GRID2: variants seen among roughly 807,000 people sequenced by gnomAD.
GRID2 encodes glutamate ionotropic receptor delta type subunit 2, also known as glutamate receptor ionotropic, delta-2.
GRID2 carries 33 observed loss-of-function variants against 114.8 expected under a neutral mutation model. The ratio of observed to expected loss-of-function variants is 0.29; its 90% CI spans 0.22 to 0.38. GRID2 has a LOEUF of 0.38. Ranked by LOEUF, GRID2 falls within the 10% of genes least tolerant of loss-of-function variation. The pLI is 1.00. For synonymous variants in GRID2, 505 were observed against 449.9 expected (o/e 1.12, Z -1.55); for missense variants, 1,184 against 1,257.7 (o/e 0.94, Z 0.89).
At chr4:93,483,778 A>G (rs1726100703) in intron 11 of GRID2, among the ~76,000 whole-genome samples, 1 of 151,986 alleles carries the variant, frequency 6.6e-6, no homozygotes, top group Admixed American at 6.6e-5. Context: ...TCCTTTGGAA[A>G]ATAAAAATTT....
chr4:93,680,542 A>G (rs1464926985), intron 14 of GRID2, among the ~76,000 whole-genome samples: 1 of 151,610 alleles, frequency 6.6e-6, no homozygotes, highest in African/African-American at 2.4e-5. Context: ...AAATACTGGC[A>G]AACCGAATCC....
chr4:92,812,486 C>T (rs533669325), intron 2 of GRID2, among the ~76,000 whole-genome samples: 2 of 152,152 alleles, frequency 1.3e-5, no homozygotes, highest in South Asian at 2.1e-4. Context: ...TGAAACCATA[C>T]ATCATATAAA....
At chr4:92,829,315 G>A (rs116896976) in intron 2 of GRID2, among the ~76,000 whole-genome samples, 1,809 of 151,856 alleles carry the variant, frequency 0.012, 23 homozygotes, top group East Asian at 0.073. Flanking sequence ...ACATTTATTG[G>A]GCCAACACAC....
chr4:93,018,190 A>T, intron 2 of GRID2, among the ~76,000 whole-genome samples: 1 of 146,630 alleles, frequency 6.8e-6, no homozygotes, highest in Non-Finnish European at 1.5e-5. Flanking sequence ...TAATTGTTTT[A>T]TTTTAATTTT....
intron 4 of GRID2, among the ~76,000 whole-genome samples, chr4:93,150,889 G>C (rs968955202): frequency 1.3e-5 from 2 of 152,014 alleles, no homozygotes; most frequent in Non-Finnish European, 2.9e-5. Context: ...CACTTTAGGA[G>C]GCTGAGGTGG....
chr4:93,633,101 T>C (rs959528804), intron 14 of GRID2, among the ~76,000 whole-genome samples: 3 of 151,862 alleles, frequency 2.0e-5, no homozygotes, highest in Non-Finnish European at 4.4e-5. Flanking sequence ...ACACAAAGAG[T>C]AGAACAAATC....
At chr4:93,216,413 T>C (rs1373226313) in intron 5 of GRID2, among the ~76,000 whole-genome samples, 1 of 152,118 alleles carries the variant, frequency 6.6e-6, no homozygotes, top group Non-Finnish European at 1.5e-5. Context: ...TTGTGACCTT[T>C]TTAAATGTTT....
At chr4:93,385,092 G>C (rs538959469) in intron 8 of GRID2, among the ~76,000 whole-genome samples, 157 of 152,246 alleles carry the variant, frequency 1.0e-3, no homozygotes, top group African/African-American at 2.8e-3. Context: ...TTCCTCATCT[G>C]ATGATTCATA....
At chr4:93,322,250 A>T (rs575207834) in intron 8 of GRID2, among the ~76,000 whole-genome samples, 4 of 151,814 alleles carry the variant, frequency 2.6e-5, no homozygotes, top group Non-Finnish European at 4.4e-5. Flanking sequence ...CCTGTGTCCA[A>T]CTGTTCTCAT....
intron 4 of GRID2, among the ~76,000 whole-genome samples, chr4:93,122,360 A>G (rs1733853497): frequency 1.3e-5 from 2 of 152,320 alleles, no homozygotes; most frequent in South Asian, 4.1e-4. Flanking sequence ...AAAGAATAAT[A>G]GAAGCTTCCA....
At chr4:92,432,276 G>C (rs1009760106) in intron 1 of GRID2, among the ~76,000 whole-genome samples, 1 of 152,080 alleles carries the variant, frequency 6.6e-6, no homozygotes, top group African/African-American at 2.4e-5. Flanking sequence ...AAGGCCCAAG[G>C]GTTCTTTAGT....
At chr4:92,551,666 C>G (rs905588534) in intron 1 of GRID2, among the ~76,000 whole-genome samples, 1 of 152,060 alleles carries the variant, frequency 6.6e-6, no homozygotes, top group African/African-American at 2.4e-5. Flanking sequence ...TGGACTTATA[C>G]TGCATGAAGA....
intron 1 of GRID2, among the ~76,000 whole-genome samples, chr4:92,583,705 T>TTA (rs34130390): frequency 0.38 from 56,321 of 148,886 alleles, 10,676 homozygotes; most frequent in Middle Eastern, 0.45. Context: ...TACATATAAT[T>TTA]TATATATAAA....
At chr4:92,581,706 C>A (rs1417880826) in intron 1 of GRID2, among the ~76,000 whole-genome samples, 1 of 152,056 alleles carries the variant, frequency 6.6e-6, no homozygotes, top group Non-Finnish European at 1.5e-5. Context: ...AATTTCTCTT[C>A]TTGGTCTATG....
At chr4:92,357,029 C>T (rs1286839694) in intron 1 of GRID2, among the ~76,000 whole-genome samples, 6 of 151,674 alleles carry the variant, frequency 4.0e-5, no homozygotes, top group African/African-American at 1.5e-4. Context: ...AACCTATAGG[C>T]AGTGTGAATC....
chr4:92,656,766 G>T (rs1338516297), intron 2 of GRID2, among the ~76,000 whole-genome samples: 2 of 151,664 alleles, frequency 1.3e-5, no homozygotes, highest in Non-Finnish European at 1.5e-5. Flanking sequence ...CTTCTTGAGA[G>T]AATATTAACA....
At chr4:92,939,417 T>C (rs1248412160) in intron 2 of GRID2, among the ~76,000 whole-genome samples, 3 of 147,466 alleles carry the variant, frequency 2.0e-5, no homozygotes, top group East Asian at 2.1e-4. Context: ...GGGTTGTTTG[T>C]TTTTTTCTTG....
At chr4:92,400,704 G>A (rs368709423) in intron 1 of GRID2, among the ~76,000 whole-genome samples, 2 of 151,678 alleles carry the variant, frequency 1.3e-5, no homozygotes, top group African/African-American at 2.4e-5. Flanking sequence ...AAATGACTGC[G>A]CCATTTTACA....
intron 1 of GRID2, among the ~76,000 whole-genome samples, chr4:92,463,996 T>C (rs1208187070): frequency 6.6e-6 from 1 of 151,880 alleles, no homozygotes; most frequent in Admixed American, 6.6e-5. Flanking sequence ...AATGACTATA[T>C]TTTCCCTCCC....
Sources: allele counts gnomAD v4.1 joint callset (sites outside exome capture counted in the v4.1 genomes callset), GRCh38; gene constraint gnomAD v4.1.1; transcripts MANE v1.5; gene names NCBI Gene and HGNC (gene_info 2026-07-23, HGNC 2026-07-21).